RORB: variants seen among roughly 807,000 people sequenced by gnomAD.
RORB encodes the protein RAR related orphan receptor B, also known as nuclear receptor ROR-beta.
In RORB, 6 loss-of-function variants were observed where a neutral mutation model predicts 59.1. The ratio of observed to expected loss-of-function variants is 0.10; its 90% CI spans 0.06 to 0.20. The LOEUF is 0.20. RORB is among the 10% of genes least tolerant of loss of function. The probability of loss-of-function intolerance (pLI) is 1.00; values close to 1 mark genes in which losing one functional copy is unlikely to be tolerated. For missense variants in RORB, 320 were observed against 560.5 expected, an observed-to-expected ratio of 0.57 and a Z score of 4.33; for synonymous variants, 215 against 204.5, an observed-to-expected ratio of 1.05 and a Z score of -0.44.
intron 1 of RORB, among the ~76,000 whole-genome samples, chr9:74,528,808 A>G (rs1826192854): frequency 6.6e-6 from 1 of 151,944 alleles, no homozygotes; most frequent in South Asian, 2.1e-4. Context: ...TTGTGTGCCT[A>G]CTCTATCCCA....
intron 9 of RORB, among the ~76,000 whole-genome samples, chr9:74,679,054 C>CAA (rs1264565504): frequency 7.3e-5 from 10 of 137,114 alleles, no homozygotes; most frequent in African/African-American, 2.4e-4. Flanking sequence ...CAAAAACAAA[C>CAA]AAACAAAAAA....
chr9:74,608,057 T>G (rs899043408), intron 1 of RORB, among the ~76,000 whole-genome samples: 1 of 152,292 alleles, frequency 6.6e-6, no homozygotes, highest in Middle Eastern at 3.4e-3. Flanking sequence ...CACAATGAGC[T>G]TATGGGCTGA....
chr9:74,572,282 GA>G (rs946223131), intron 1 of RORB, among the ~76,000 whole-genome samples: 55 of 151,770 alleles, frequency 3.6e-4, no homozygotes, highest in East Asian at 3.9e-4. Context: ...GTACTGATAT[GA>G]AAAAAAATAT....
chr9:74,677,779 T>C (rs948175822), intron 9 of RORB, among the ~76,000 whole-genome samples: 1 of 152,222 alleles, frequency 6.6e-6, no homozygotes, highest in Non-Finnish European at 1.5e-5. Flanking sequence ...AATGATAATG[T>C]GCTGTATTAA....
intron 1 of RORB, among the ~76,000 whole-genome samples, chr9:74,500,958 T>A (rs990934565): frequency 3.9e-5 from 6 of 152,140 alleles, no homozygotes; most frequent in Non-Finnish European, 8.8e-5. Flanking sequence ...GTAGATTTCA[T>A]TACTGAAAGG....
At chr9:74,563,595 G>C (rs1297473481) in intron 1 of RORB, among the ~76,000 whole-genome samples, 1 of 152,172 alleles carries the variant, frequency 6.6e-6, no homozygotes, top group Non-Finnish European at 1.5e-5. Context: ...ATATGGATTT[G>C]TCCAACATTC....
intron 1 of RORB, among the ~76,000 whole-genome samples, chr9:74,528,242 C>T (rs146229774): frequency 6.6e-6 from 1 of 152,034 alleles, no homozygotes; most frequent in East Asian, 1.9e-4. Context: ...TCTTAGAGTC[C>T]AAGTGTTGAA....
At chr9:74,638,604 G>C (rs139087527) in intron 3 of RORB, among the ~76,000 whole-genome samples, 6 of 152,324 alleles carry the variant, frequency 3.9e-5, no homozygotes, top group African/African-American at 1.4e-4. Context: ...AATATGTAGT[G>C]ATAAGAAGAA....
intron 1 of RORB, among the ~76,000 whole-genome samples, chr9:74,542,172 A>G (rs1826417852): frequency 6.6e-6 from 1 of 152,210 alleles, no homozygotes; most frequent in Admixed American, 6.5e-5. Flanking sequence ...ACACTAAAGT[A>G]AACAAAATAC....
chr9:74,650,427 A>T (rs944231424), intron 4 of RORB, among the ~76,000 whole-genome samples: 2 of 152,184 alleles, frequency 1.3e-5, no homozygotes, highest in Admixed American at 6.5e-5. Flanking sequence ...CACAAGGTTG[A>T]TGGGGATTAG....
chr9:74,644,752 A>G (rs985321537), intron 4 of RORB, among the ~76,000 whole-genome samples: 2 of 152,216 alleles, frequency 1.3e-5, no homozygotes, highest in Admixed American at 6.5e-5. Context: ...TATAAAACAA[A>G]AACTCACAAC....
intron 9 of RORB, among the ~76,000 whole-genome samples, chr9:74,683,771 T>G (rs1824589312): frequency 1.3e-5 from 2 of 152,148 alleles, no homozygotes; most frequent in Non-Finnish European, 2.9e-5. Flanking sequence ...CTATTCTTCT[T>G]TGGCACTCAC....
chr9:74,579,367 T>C (rs1045146717), intron 1 of RORB, among the ~76,000 whole-genome samples: 7 of 152,110 alleles, frequency 4.6e-5, no homozygotes, highest in African/African-American at 1.7e-4. Context: ...TTATATTTCT[T>C]TCTTTTTTTT....
intron 2 of RORB, among the ~76,000 whole-genome samples, chr9:74,631,076 C>T (rs1478333661): frequency 2.0e-5 from 3 of 152,222 alleles, no homozygotes; most frequent in Non-Finnish European, 2.9e-5. Flanking sequence ...ACAGATTCCA[C>T]TCATCCTTCC....
Position 74,642,596 on chromosome 9 carries a change from A to G in RORB, c.418A>G (p.Thr140Ala), listed in dbSNP as rs151121778. The G allele has an allele frequency of 1.0e-4, 166 of 1,614,106 alleles. No individual in the cohort carries two copies. The highest frequency in any genetic ancestry group is 1.2e-4 in the Non-Finnish European group (143 of 1,180,030). The change falls in exon 4 of 10, where the codon ACT becomes GCT. Residue 140 changes from threonine to alanine, a missense_variant. Physicochemically the swap from Thr to Ala is moderately conservative, Grantham distance 58. Transcript: ENST00000376896. The stretch of plus-strand genomic sequence containing the variant: ...CAACCTGAACAACGAGACCAGCGGC[A>G]CTTATGCCAACGGGCACGTCATTGA... The part of the protein sequence containing the change: ...LSNLNNETSG[T>A]YANGHVIDLP...
chr9:74,676,805 C>A (rs1824450892), intron 9 of RORB, among the ~76,000 whole-genome samples: 1 of 152,238 alleles, frequency 6.6e-6, no homozygotes, highest in African/African-American at 2.4e-5. Flanking sequence ...TCCTGCTAAC[C>A]ATGTAGATGT....
intron 1 of RORB, among the ~76,000 whole-genome samples, chr9:74,575,190 T>C (rs1822614026): frequency 6.6e-6 from 1 of 152,090 alleles, no homozygotes; most frequent in Non-Finnish European, 1.5e-5. Context: ...AATCACATTG[T>C]TTACTCTTTA....
At chr9:74,645,659 T>C (rs1422898032) in intron 4 of RORB, among the ~76,000 whole-genome samples, 1 of 152,164 alleles carries the variant, frequency 6.6e-6, no homozygotes, top group Non-Finnish European at 1.5e-5. Flanking sequence ...ATAATTACCT[T>C]TTATCGAGCA....
chr9:74,591,690 G>A (rs1009150222), intron 1 of RORB, among the ~76,000 whole-genome samples: 5 of 152,114 alleles, frequency 3.3e-5, no homozygotes, highest in Admixed American at 3.3e-4. Flanking sequence ...TTTTCTTAAA[G>A]CTGGATTTAC....
Sources: gnomAD v4.1 joint callset for allele counts (sites outside exome capture counted in the v4.1 genomes callset) on GRCh38, gnomAD v4.1.1 for gene constraint, MANE v1.5 for transcripts, NCBI Gene and HGNC (gene_info 2026-07-23, HGNC 2026-07-21) for gene names.